Variants in SPATA13 observed in about 807,000 individuals in gnomAD.
SPATA13 encodes the protein spermatogenesis associated 13, also known as spermatogenesis-associated protein 13.
In SPATA13, 50 loss-of-function variants were observed where a neutral mutation model predicts 104.0. The observed-to-expected ratio is 0.48, with a 90% confidence interval of 0.38 to 0.61. The LOEUF (loss-of-function observed/expected upper bound fraction) is 0.61, where lower values mean the gene tolerates loss of function less well. Among genes scored for constraint, SPATA13 ranks in the 20% least tolerant of loss-of-function variants. The pLI, the probability that SPATA13 is intolerant of heterozygous loss-of-function variation, is 0.00. For missense variants in SPATA13, 1,524 were observed against 1,690.6 expected, an observed-to-expected ratio of 0.90 and a Z score of 1.73; for synonymous variants, 606 against 667.5, an observed-to-expected ratio of 0.91 and a Z score of 1.42.
intron 9 of SPATA13, among the ~76,000 whole-genome samples, chr13:24,291,357 A>G (rs904818083): frequency 6.6e-6 from 1 of 152,210 alleles, no homozygotes; most frequent in African/African-American, 2.4e-5. Flanking sequence ...TGGCTTACCT[A>G]AAGTTACTTG....
chr13:24,122,979 G>A, intron 3 of SPATA13: 2 of 813,994 alleles, frequency 2.5e-6, no homozygotes, highest in Non-Finnish European at 4.4e-6. Flanking sequence ...TCCCATAGCA[G>A]TAACTGCTTT....
At chr13:23,987,040 T>TG (rs57284151) in intron 2 of SPATA13, among the ~76,000 whole-genome samples, 2 of 150,528 alleles carry the variant, frequency 1.3e-5, no homozygotes, top group East Asian at 2.0e-4. Flanking sequence ...TGTGTGTGTG[T>TG]TACTACTCCA....
At chr13:24,234,226 A>G (rs1872448177) in intron 2 of SPATA13, among the ~76,000 whole-genome samples, 1 of 152,244 alleles carries the variant, frequency 6.6e-6, no homozygotes, top group Non-Finnish European at 1.5e-5. Context: ...AAGAAATGAT[A>G]GGAAGCAATA....
At chr13:24,230,468 C>T (rs1042548169) in intron 2 of SPATA13, among the ~76,000 whole-genome samples, 2 of 152,098 alleles carry the variant, frequency 1.3e-5, no homozygotes, top group Admixed American at 6.5e-5. Flanking sequence ...CCCCGGGCGG[C>T]GGTTGCAGAA....
chr13:24,182,628 C>T (rs997245820), intron 1 of SPATA13, among the ~76,000 whole-genome samples: 1 of 152,148 alleles, frequency 6.6e-6, no homozygotes, highest in Admixed American at 6.5e-5. Flanking sequence ...ATCCCCATGA[C>T]CCAAACACCT....
chr13:24,000,511 C>T (rs927776803), intron 2 of SPATA13, among the ~76,000 whole-genome samples: 6 of 152,156 alleles, frequency 3.9e-5, no homozygotes, highest in African/African-American at 1.4e-4. Context: ...CATCCCCAAA[C>T]CTGCCTTCTA....
intron 3 of SPATA13, among the ~76,000 whole-genome samples, chr13:24,098,933 A>AG (rs921627902): frequency 6.6e-6 from 1 of 151,620 alleles, no homozygotes; most frequent in African/African-American, 2.4e-5. Context: ...CTCAAAAAAA[A>AG]AAAAAAAAAG....
chr13:24,025,637 G>T (rs1038368894), intron 3 of SPATA13, among the ~76,000 whole-genome samples: 1 of 152,046 alleles, frequency 6.6e-6, no homozygotes, highest in African/African-American at 2.4e-5. Context: ...TGGTATTCCT[G>T]GTTTTCAAAT....
intron 1 of SPATA13, among the ~76,000 whole-genome samples, chr13:24,213,045 C>T (rs1320138033): frequency 1.3e-5 from 2 of 152,238 alleles, no homozygotes; most frequent in East Asian, 3.9e-4. Context: ...CTGTGTGCTG[C>T]CCTGCTTGGG....
intron 1 of SPATA13, among the ~76,000 whole-genome samples, chr13:24,175,979 G>T (rs1388975091): frequency 6.6e-6 from 1 of 152,212 alleles, no homozygotes; most frequent in African/African-American, 2.4e-5. Context: ...CATGTTTTAT[G>T]ACATGCTAAC....
intron 3 of SPATA13, among the ~76,000 whole-genome samples, chr13:24,093,806 C>G (rs1413139442): frequency 2.0e-5 from 3 of 152,120 alleles, no homozygotes; most frequent in Non-Finnish European, 4.4e-5. Flanking sequence ...GGTCATAATA[C>G]TTAGAGGACT....
In SPATA13 at chr13:24,140,614, C is replaced by T. The variant is rs117146018; in HGVS notation, c.-111-82205C>T. 2.1e-3 allele frequency among the ~76,000 whole-genome samples: 320 copies of T among 152,274 alleles called. 6 individuals are homozygous for T. The East Asian group carries it at 0.041, about 20-fold the overall frequency. On this transcript the variant is annotated intron_variant, in intron 3 of 14. Coordinates refer to the SPATA13 transcript ENST00000424834. ...TCTCATGTGTGCCCCTGCTCTTGTG[C>T]GTGTCCTTCTGAGACAGCTCTCAAG...
At chr13:24,133,288 G>A (rs548350641) in intron 3 of SPATA13, among the ~76,000 whole-genome samples, 1 of 151,528 alleles carries the variant, frequency 6.6e-6, no homozygotes, top group African/African-American at 2.5e-5. Context: ...ACTTAGCCCA[G>A]TGAGATTAAG....
At chr13:24,190,572 T>G (rs954148265) in intron 1 of SPATA13, among the ~76,000 whole-genome samples, 2 of 150,246 alleles carry the variant, frequency 1.3e-5, no homozygotes, top group Non-Finnish European at 2.9e-5. Context: ...CTTTGAGGGG[T>G]TCGAGACTTC....
chr13:24,285,619 C>G (rs2138733234), intron 5 of SPATA13, among the ~76,000 whole-genome samples: 1 of 151,022 alleles, frequency 6.6e-6, no homozygotes, highest in Admixed American at 6.6e-5. Flanking sequence ...CAGGTTCAAG[C>G]AATTCTCCTG....
intron 3 of SPATA13, among the ~76,000 whole-genome samples, chr13:24,080,908 G>C (rs1409024): frequency 0.98 from 149,223 of 152,322 alleles, 73,163 homozygotes; most frequent in East Asian, 1. Context: ...CAGTGCACCT[G>C]TCTTCTGTCC....
chr13:24,087,974 C>T (rs1480467626), intron 3 of SPATA13, among the ~76,000 whole-genome samples: 1 of 152,236 alleles, frequency 6.6e-6, no homozygotes, highest in Non-Finnish European at 1.5e-5. Flanking sequence ...GGCCTTCCTC[C>T]AGCATCTCCT....
intron 4 of SPATA13, among the ~76,000 whole-genome samples, chr13:24,261,062 C>T (rs1874040037): frequency 6.6e-6 from 1 of 152,194 alleles, no homozygotes; most frequent in Non-Finnish European, 1.5e-5. Flanking sequence ...CCACTAAGTT[C>T]AGGCTGCCTG....
chr13:23,994,709 AAT>A (rs1875594585), intron 2 of SPATA13, among the ~76,000 whole-genome samples: 1 of 152,198 alleles, frequency 6.6e-6, no homozygotes, highest in Non-Finnish European at 1.5e-5. Context: ...TAACCTCTGC[AAT>A]ATTGGGGTCT....
Sources: gnomAD v4.1 joint callset for allele counts (sites outside exome capture counted in the v4.1 genomes callset) on GRCh38, gnomAD v4.1.1 for gene constraint, MANE v1.5 for transcripts, NCBI Gene and HGNC (gene_info 2026-07-23, HGNC 2026-07-21) for gene names.